Variants in SHANK2 observed in about 807,000 individuals in gnomAD.
SHANK2 encodes SH3 and multiple ankyrin repeat domains 2.
A neutral mutation model predicts 133.7 loss-of-function variants in SHANK2; 43 were observed. That is an observed-to-expected ratio of 0.32 (90% confidence interval 0.25 to 0.41). The LOEUF (loss-of-function observed/expected upper bound fraction) is 0.41, where lower values mean the gene tolerates loss of function less well. Among genes scored for constraint, SHANK2 ranks in the 10% least tolerant of loss-of-function variants. SHANK2 has a pLI of 1.00. For synonymous variants in SHANK2, 1,017 were observed against 952.8 expected, an observed-to-expected ratio of 1.07 and a Z score of -1.24; for missense variants, 1,994 against 2,235.8, an observed-to-expected ratio of 0.89 and a Z score of 2.18.
intron 2 of SHANK2, chr11:71,174,948 T>C (rs1045239082): frequency 1.3e-4 from 20 of 152,308 alleles, no homozygotes; most frequent in Admixed American, 3.3e-4. Context: ...ACAGTGAACA[T>C]ACCCAGCTTT....
intron 15 of SHANK2, chr11:70,668,491 C>A (rs1944724826): frequency 6.6e-6 from 1 of 152,354 alleles, no homozygotes; most frequent in Admixed American, 6.5e-5. Context: ...CGTGGCCCTG[C>A]TGTCATCTTG....
intron 2 of SHANK2, among the ~76,000 whole-genome samples, chr11:71,189,195 C>T (rs189919537): frequency 3.3e-5 from 5 of 152,364 alleles, no homozygotes; most frequent in East Asian, 1.9e-4. Flanking sequence ...CCCGGCTTCC[C>T]GCCATCCACC....
At chr11:70,814,926 A>G (rs1948357481) in intron 12 of SHANK2, among the ~76,000 whole-genome samples, 1 of 150,516 alleles carries the variant, frequency 6.6e-6, no homozygotes, top group African/African-American at 2.4e-5. Flanking sequence ...GGGAAGGCCA[A>G]CCAGCCCCTT....
chr11:70,713,945 C>T (rs1329478511), intron 14 of SHANK2, among the ~76,000 whole-genome samples: 2 of 152,212 alleles, frequency 1.3e-5, no homozygotes, highest in African/African-American at 2.4e-5. Flanking sequence ...GCCTTGTGGC[C>T]ATGCTAAGTG....
intron 2 of SHANK2, among the ~76,000 whole-genome samples, chr11:71,198,394 G>A (rs1013262716): frequency 7.9e-5 from 12 of 152,144 alleles, no homozygotes; most frequent in South Asian, 2.1e-4. Flanking sequence ...AAACAATCTC[G>A]TTCTCCCAGC....
chr11:70,604,192 C>T (rs1381304940), intron 17 of SHANK2: 1 of 152,308 alleles, frequency 6.6e-6, no homozygotes, highest in Non-Finnish European at 1.5e-5. Context: ...CTTTAATAAA[C>T]ACCCATGAAG....
chr11:70,727,559 T>C (rs1427121359), intron 14 of SHANK2, among the ~76,000 whole-genome samples: 4 of 152,240 alleles, frequency 2.6e-5, no homozygotes, highest in African/African-American at 7.2e-5. Context: ...TCTGGCCCTA[T>C]TGCTTTGTAG....
intron 11 of SHANK2, among the ~76,000 whole-genome samples, chr11:70,861,762 A>C (rs1224412573): frequency 2.0e-5 from 3 of 152,174 alleles, no homozygotes; most frequent in Admixed American, 2.0e-4. Flanking sequence ...GCAGATGCTG[A>C]CCTCAGGCCA....
chr11:70,888,053 C>G (rs782066733), intron 11 of SHANK2, among the ~76,000 whole-genome samples: 70 of 152,120 alleles, frequency 4.6e-4, no homozygotes, highest in Non-Finnish European at 7.5e-4. Flanking sequence ...CGCCATGATT[C>G]CTGAGGTTGA....
rs371295293 is a variant in SHANK2, at chr11:70,591,854, T to C, written c.2061+67974A>G. 5.3e-5 allele frequency among the ~76,000 whole-genome samples: 8 copies of C among 151,876 alleles called. No homozygotes were observed. In the South Asian group the frequency reaches 1.7e-3, roughly 32 times the overall value. On this transcript the variant is annotated intron_variant, in intron 17 of 25. Transcript: ENST00000601538. ...CAAAAGGGTGAAACCTCATCTCTAC[T>C]AAAAATACAAAAAAATGAGGTGGGT...
chr11:70,673,225 G>T (rs1944848172), intron 15 of SHANK2, among the ~76,000 whole-genome samples: 1 of 151,966 alleles, frequency 6.6e-6, no homozygotes, highest in Non-Finnish European at 1.5e-5. Context: ...CAGGGCACAT[G>T]CCTCCACTAG....
intron 11 of SHANK2, among the ~76,000 whole-genome samples, chr11:70,887,062 G>A (rs1430791003): frequency 2.0e-5 from 3 of 152,092 alleles, no homozygotes; most frequent in Admixed American, 6.6e-5. Context: ...AACAAAGACC[G>A]TAAAAAATAG....
At chr11:71,243,910 T>C (rs1370529207) in intron 1 of SHANK2, among the ~76,000 whole-genome samples, 5 of 152,130 alleles carry the variant, frequency 3.3e-5, no homozygotes, top group Non-Finnish European at 5.9e-5. Context: ...TAGGCCCAGA[T>C]GGCTTTATTG....
At chr11:70,576,417 G>A (rs1182832224) in intron 17 of SHANK2, among the ~76,000 whole-genome samples, 3 of 152,104 alleles carry the variant, frequency 2.0e-5, no homozygotes, top group African/African-American at 7.2e-5. Context: ...GGCAGATCAC[G>A]AGGTCAGGAG....
chr11:70,951,432 C>G (rs1004702938), intron 10 of SHANK2, among the ~76,000 whole-genome samples: 5 of 134,040 alleles, frequency 3.7e-5, no homozygotes, highest in Non-Finnish European at 7.6e-5. Flanking sequence ...ATTCATTTCC[C>G]CTGGCTGCTG....
Position 71,148,015 on chromosome 11 carries a change from G to A in SHANK2, c.-12-677C>T, listed in dbSNP as rs549415849. Among the ~76,000 whole-genome samples the A allele has an allele frequency of 8.2e-4, 124 of 152,040 alleles. 1 individual carries two copies. The highest frequency in any genetic ancestry group is 1.4e-3 in the Non-Finnish European group (98 of 68,002). ...GAGAGTGCAGCTTCCTCAAGGTCAA[G>A]TGCAATAAAAATTACCCCACAAAGA... On this transcript the variant is annotated intron_variant, in intron 2 of 25. Transcript: ENST00000601538.
At chr11:71,087,275 G>A (rs1056855536) in intron 8 of SHANK2, among the ~76,000 whole-genome samples, 3 of 152,130 alleles carry the variant, frequency 2.0e-5, no homozygotes, top group Non-Finnish European at 2.9e-5. Context: ...TCCATCCCAG[G>A]GCCAGCTGGA....
At chr11:70,761,338 G>A (rs1247614739) in intron 14 of SHANK2, among the ~76,000 whole-genome samples, 1 of 152,174 alleles carries the variant, frequency 6.6e-6, no homozygotes. Context: ...GTGTCCATGA[G>A]CCAGGCAGGC....
intron 3 of SHANK2, among the ~76,000 whole-genome samples, chr11:71,139,303 CT>C (rs1211445455): frequency 1.4e-5 from 2 of 141,006 alleles, no homozygotes; most frequent in Admixed American, 7.8e-5. Flanking sequence ...CAGCCCCGTT[CT>C]ATTTTCTTCT....
Sources: gnomAD v4.1 joint callset for allele counts (sites outside exome capture counted in the v4.1 genomes callset) on GRCh38, gnomAD v4.1.1 for gene constraint, MANE v1.5 for transcripts, NCBI Gene and HGNC (gene_info 2026-07-23, HGNC 2026-07-21) for gene names.